Variants in BRSK1 observed in about 807,000 individuals in gnomAD.
BRSK1 encodes BR serine/threonine kinase 1.
BRSK1 carries 17 observed loss-of-function variants against 86.2 expected under a neutral mutation model. The ratio of observed to expected loss-of-function variants is 0.20; its 90% CI spans 0.14 to 0.30. BRSK1 has a LOEUF of 0.30. Ranked by LOEUF, BRSK1 falls within the 10% of genes least tolerant of loss-of-function variation. The probability of loss-of-function intolerance (pLI) is 1.00; values close to 1 mark genes in which losing one functional copy is unlikely to be tolerated. For synonymous variants in BRSK1, 464 were observed against 440.1 expected (o/e 1.05, Z -0.68); for missense variants, 719 against 1,071.9 (o/e 0.67, Z 4.60).
In BRSK1 at chr19:55,306,434, C is replaced by T. The variant is rs1264600198; in HGVS notation, c.2073C>T (p.Thr691=). The change falls in exon 17 of 19, where the codon ACC becomes ACT. Residue 691 remains threonine, a synonymous_variant. Coordinates refer to ENST00000309383, the MANE Select transcript of BRSK1 (RefSeq NM_032430.2). The surrounding 1 kb of genome is among the most constrained non-coding windows in gnomAD (Gnocchi z 4.7). ...GSGGGGIYSV[T]FTLISGPSRR... is the part of the protein sequence containing the mutation. ...GAGGTGGTGGCATCTACTCCGTCACCTTCACTCTCATCTCGGGTGAGTCTC... is the reference window on the plus strand; with the variant it reads ...GAGGTGGTGGCATCTACTCCGTCACTTTCACTCTCATCTCGGGTGAGTCTC... 5.0e-6 allele frequency: 8 copies of T among 1,613,220 alleles called. No individual in the cohort carries two copies. In the South Asian group the frequency reaches 8.8e-5, roughly 18 times the overall value.
intron 4 of BRSK1, among the ~76,000 whole-genome samples, chr19:55,291,865 T>C (rs543715889): frequency 9.2e-4 from 140 of 152,326 alleles, no homozygotes; most frequent in African/African-American, 3.3e-3. Context: ...TTCGAGCGAT[T>C]CTCCTGTCTC....
intron 4 of BRSK1, among the ~76,000 whole-genome samples, chr19:55,292,589 T>C (rs905153325): frequency 6.6e-6 from 1 of 151,630 alleles, no homozygotes; most frequent in Non-Finnish European, 1.5e-5. Context: ...ATCCCAGCAT[T>C]TTGGGAGGCC....
At chr19:55,301,773 T>G in intron 8 of BRSK1, 115 bp downstream of exon 8, 1 of 1,292,068 alleles carries the variant, frequency 7.7e-7, no homozygotes, top group South Asian at 1.5e-5. Flanking sequence ...CCAGGGTGAC[T>G]GGGATCGCCA....
chr19:55,301,721 A>T, intron 8 of BRSK1, 63 bp downstream of exon 8: 1 of 1,557,808 alleles, frequency 6.4e-7, no homozygotes, highest in South Asian at 1.2e-5. Flanking sequence ...AACCCCCTAG[A>T]AAAGTCATGG....
At chr19:55,305,076 C>T (rs1346966132) in intron 14 of BRSK1, among the ~76,000 whole-genome samples, 156 bp downstream of exon 14, 2 of 152,124 alleles carry the variant, frequency 1.3e-5, no homozygotes, top group Non-Finnish European at 2.9e-5. Context: ...AGAGGTGCAC[C>T]TGTTGGGGAG....
chr19:55,303,250 C>T lies in BRSK1; in HGVS notation c.1029-61C>T. The T allele has an allele frequency of 7.6e-7, 1 of 1,316,756 alleles. No homozygotes were observed. Among genetic ancestry groups the T allele is most frequent in the South Asian group, 1.2e-5 (1 of 84,914 alleles). 81.6% of individuals were successfully genotyped at this position (1,316,756 alleles called of 1,614,324 possible). A position where few individuals can be genotyped will look rare whatever the true frequency, so the allele number is the denominator to read the frequency against. Reference sequence around the variant, plus strand: ...GGGAGCGGAGGAGACCTCCTCTGAGCATTGATGTTGGACCTCAGCCCTCTG... The same window carrying T: ...GGGAGCGGAGGAGACCTCCTCTGAGTATTGATGTTGGACCTCAGCCCTCTG... On this transcript the variant is annotated intron_variant, in intron 10 of 18. Coordinates refer to ENST00000309383, the MANE Select transcript of BRSK1 (RefSeq NM_032430.2). The surrounding 1 kb of genome is among the most constrained non-coding windows in gnomAD (Gnocchi z 5.1).
chr19:55,306,238 C>T lies in BRSK1; in HGVS notation c.1891-14C>T, dbSNP rs1240212932. ...TCCTGGGCTCACCCCTTCCTGTGTT[C>T]CTACCTCGCTCAGATCCCCAGCCTG... On this transcript the variant is annotated splice_polypyrimidine_tract_variant and intron_variant, in intron 16 of 18. Transcript: ENST00000309383. This position sits in a 1 kb window ranked among gnomAD's most constrained non-coding sequence, Gnocchi z 4.7. The T allele has an allele frequency of 6.2e-7, 1 of 1,613,564 alleles. No individual in the cohort carries two copies. Among genetic ancestry groups the T allele is most frequent in the Admixed American group, 1.7e-5 (1 of 60,014 alleles).
In BRSK1 at chr19:55,284,649, G is replaced by C. The variant is rs985457392; in HGVS notation, c.136+71G>C. ...GGTGGCGGCAGAGGCGGGACTCAGG[G>C]TATTCAAATGGCAGGGGCTGGCTGC... On this transcript the variant is annotated intron_variant, in intron 1 of 18. Transcript: ENST00000309383. 4 of 1,223,076 alleles carry C rather than the reference G, an allele frequency of 3.3e-6. No individual in the cohort carries two copies. The African/African-American group carries it at 6.3e-5, about 19-fold the overall frequency. The allele number at this position is 1,223,076 out of a possible 1,614,324, so 75.8% of individuals were successfully genotyped here. A position where few individuals can be genotyped will look rare whatever the true frequency, so the allele number is the denominator to read the frequency against.
chr19:55,302,290 G>A lies in BRSK1; in HGVS notation c.857+122G>A, dbSNP rs572234052. 2 of 1,102,072 alleles carry A rather than the reference G, an allele frequency of 1.8e-6. No homozygotes were observed. Among genetic ancestry groups the A allele is most frequent in the Admixed American group, 1.7e-5 (1 of 59,138 alleles). The allele number at this position is 1,102,072 out of a possible 1,614,324, so 68.3% of individuals were successfully genotyped here. Reference sequence around the variant, plus strand: ...CTGAGAGGCAACGGGCTAGGGACTCGGACTTATGGGTCCTGGGGGAAGAGG... The same window carrying A: ...CTGAGAGGCAACGGGCTAGGGACTCAGACTTATGGGTCCTGGGGGAAGAGG... On this transcript the variant is annotated intron_variant, in intron 9 of 18. Coordinates refer to ENST00000309383, the MANE Select transcript of BRSK1 (RefSeq NM_032430.2). The surrounding 1 kb of genome is among the most constrained non-coding windows in gnomAD (Gnocchi z 6.3).
chr19:55,299,024 G>A (rs1480387954), intron 7 of BRSK1, among the ~76,000 whole-genome samples: 1 of 152,116 alleles, frequency 6.6e-6, no homozygotes, highest in Non-Finnish European at 1.5e-5. Flanking sequence ...ACGAAGTCAG[G>A]AGTTCGAGAC....
intron 7 of BRSK1, among the ~76,000 whole-genome samples, chr19:55,296,648 C>T (rs1315528913): frequency 2.0e-5 from 3 of 152,126 alleles, no homozygotes; most frequent in Non-Finnish European, 4.4e-5. Context: ...AAATCGAGAC[C>T]GTCCTGGCTA....
Position 55,302,691 on chromosome 19 carries a change from C to T in BRSK1, c.858-6C>T, listed in dbSNP as rs1486958858. 1.9e-6 allele frequency: 3 copies of T among 1,601,954 alleles called. No individual in the cohort carries two copies. The Middle Eastern group carries it at 5.0e-4, about 267-fold the overall frequency. On this transcript the variant is annotated splice_polypyrimidine_tract_variant and splice_region_variant and intron_variant, in intron 9 of 18. Transcript: ENST00000309383. This position sits in a 1 kb window ranked among gnomAD's most constrained non-coding sequence, Gnocchi z 6.3. ...GGTTCCCAATAATGTTTCTCCACTT[C>T]CCCAGAGGCGGGAAACACGAGCCAG...
chr19:55,284,131 T>A lies in BRSK1; in HGVS notation c.-312T>A. 3 of 1,141,384 alleles carry A rather than the reference T, an allele frequency of 2.6e-6. No homozygotes were observed. The highest frequency in any genetic ancestry group is 3.3e-6 in the Non-Finnish European group (3 of 917,134). The allele number at this position is 1,141,384 out of a possible 1,614,324, so 70.7% of individuals were successfully genotyped here. On this transcript the variant is annotated 5_prime_UTR_variant, in exon 1 of 19. Transcript: ENST00000309383. ...CCTGCAGCATCCGCCGGCCCGCACC[T>A]CAGACCCCCCCGGCGGGGGGAGGCG...
chr19:55,296,662 T>C (rs543249629), intron 7 of BRSK1, among the ~76,000 whole-genome samples: 5 of 152,206 alleles, frequency 3.3e-5, no homozygotes, highest in East Asian at 1.9e-4. Context: ...CTGGCTAACG[T>C]GGTGAAACCC....
Position 55,303,593 on chromosome 19 carries a change from G to T in BRSK1, c.1127-74G>T. The stretch of plus-strand genomic sequence containing the variant: ...CCACTCTAGGCCTGTTTCCCCATGT[G>T]TGCAGTTTCTGAGGCAGTTGTACAC... On this transcript the variant is annotated intron_variant, in intron 11 of 18. Coordinates refer to ENST00000309383, the MANE Select transcript of BRSK1 (RefSeq NM_032430.2). This position sits in a 1 kb window ranked among gnomAD's most constrained non-coding sequence, Gnocchi z 5.1. The T allele has an allele frequency of 6.5e-7, 1 of 1,542,358 alleles. No individual in the cohort carries two copies. Among genetic ancestry groups the T allele is most frequent in the Non-Finnish European group, 8.8e-7 (1 of 1,138,154 alleles).
intron 4 of BRSK1, among the ~76,000 whole-genome samples, 200 bp from the exon 5 acceptor site, chr19:55,293,817 A>G (rs2088444513): frequency 6.6e-6 from 1 of 152,210 alleles, no homozygotes; most frequent in South Asian, 2.1e-4. Context: ...CTCAAAAATA[A>G]TAATAATAAA....
At chr19:55,293,885 T>C in intron 4 of BRSK1, 132 bp from the exon 5 acceptor site, 1 of 634,490 alleles carries the variant, frequency 1.6e-6, no homozygotes, top group Non-Finnish European at 2.7e-6. Context: ...AATTAATGAA[T>C]GATAATAAAT....
intron 4 of BRSK1, among the ~76,000 whole-genome samples, chr19:55,292,130 G>T (rs2088416276): frequency 6.6e-6 from 1 of 152,104 alleles, no homozygotes; most frequent in African/African-American, 2.4e-5. Context: ...CTGGCCTCTA[G>T]GGGGAGATAT....
rs2122953900 is a variant in BRSK1 at position 55,294,415 on chromosome 19, C to A, written c.678+18C>A. ...TGCTCGTGGTAAGGCGCCCTCACCT[C>A]TCCTGTCATTTCTAGATCAATCCCA... On this transcript the variant is annotated intron_variant, in intron 7 of 18. Transcript: ENST00000309383. The surrounding 1 kb of genome is among the most constrained non-coding windows in gnomAD (Gnocchi z 4.9). 1 of 1,612,954 alleles carries A rather than the reference C, an allele frequency of 6.2e-7. No homozygotes were observed.
Sources: gnomAD v4.1 joint callset for allele counts (sites outside exome capture counted in the v4.1 genomes callset) on GRCh38, gnomAD v4.1.1 for gene constraint, Gnocchi (gnomAD v3.1) non-coding constraint, MANE v1.5 for transcripts, NCBI Gene and HGNC (gene_info 2026-07-23, HGNC 2026-07-21) for gene names.